CLNK: variants seen among roughly 807,000 people sequenced by gnomAD.
CLNK encodes the protein cytokine-dependent hematopoietic cell linker.
CLNK carries 74 observed loss-of-function variants against 68.6 expected under a neutral mutation model. That is an observed-to-expected ratio of 1.08 (90% CI 0.89 to 1.31). The LOEUF (loss-of-function observed/expected upper bound fraction) is 1.31. Ranked by LOEUF, CLNK falls within the 50% of genes most tolerant of loss-of-function variation. CLNK has a pLI of 0.00. For synonymous variants in CLNK, 198 were observed against 172.2 expected, an observed-to-expected ratio of 1.15 and a Z score of -1.17; for missense variants, 553 against 515.3, an observed-to-expected ratio of 1.07 and a Z score of -0.71.
chr4:10,685,651 T>A (rs968076718), upstream of CLNK, among the ~76,000 whole-genome samples: 2 of 152,164 alleles, frequency 1.3e-5, no homozygotes, highest in African/African-American at 2.4e-5. Flanking sequence ...TATATTTTCT[T>A]GGGTAAATAA....
At chr4:10,673,676 G>A (rs1193389000) in intron 1 of CLNK, among the ~76,000 whole-genome samples, 1 of 151,786 alleles carries the variant, frequency 6.6e-6, no homozygotes, top group Non-Finnish European at 1.5e-5. Flanking sequence ...CAGGGGGTGG[G>A]GGGTCTGGGG....
At chr4:10,504,251 G>A (rs1448943417) in intron 17 of CLNK, among the ~76,000 whole-genome samples, 4 of 151,332 alleles carry the variant, frequency 2.6e-5, no homozygotes, top group South Asian at 4.2e-4. Flanking sequence ...CTCCTGAGTG[G>A]CTGGGACTAC....
intron 9 of CLNK, 104 bp from the exon 10 acceptor site, chr4:10,542,145 G>C: frequency 1.6e-6 from 2 of 1,216,544 alleles, no homozygotes; most frequent in Non-Finnish European, 2.4e-6. Flanking sequence ...ATTGTGATCA[G>C]ACTTATAAGA....
At chr4:10,688,523 C>G (rs141802869), upstream of CLNK, among the ~76,000 whole-genome samples, 275 of 152,208 alleles carry the variant, frequency 1.8e-3, 5 homozygotes, top group Admixed American at 2.2e-3. Flanking sequence ...GCAAGGCTGT[C>G]AAGTTTTGGA....
intron 2 of CLNK, among the ~76,000 whole-genome samples, chr4:10,627,384 C>G (rs1368999140): frequency 6.6e-6 from 1 of 152,190 alleles, no homozygotes; most frequent in African/African-American, 2.4e-5. Flanking sequence ...TCCCTCTGTT[C>G]TGGCATTTGG....
intron 2 of CLNK, among the ~76,000 whole-genome samples, chr4:10,603,458 G>GT (rs1270570398): frequency 4.6e-5 from 7 of 152,012 alleles, no homozygotes; most frequent in African/African-American, 9.7e-5. Context: ...ATCCTGCTGA[G>GT]TTTTTTTTGC....
At chr4:10,706,310 A>G in the CLNK span, among the ~76,000 whole-genome samples, 1 of 152,140 alleles carries the variant, frequency 6.6e-6, no homozygotes, top group African/African-American at 2.4e-5. Flanking sequence ...TGCTATTACT[A>G]TAAATTTAGG....
intron 2 of CLNK, among the ~76,000 whole-genome samples, chr4:10,602,430 C>A (rs568008926): frequency 6.6e-6 from 1 of 152,280 alleles, no homozygotes; most frequent in South Asian, 2.1e-4. Flanking sequence ...GGCTCTAAAT[C>A]TTGGGTTAAA....
chr4:10,560,415 T>C (rs924647202), intron 7 of CLNK, among the ~76,000 whole-genome samples: 1 of 152,144 alleles, frequency 6.6e-6, no homozygotes, highest in Non-Finnish European at 1.5e-5. Context: ...CCATTTCTTT[T>C]TTTCTTTCTT....
intron 1 of CLNK, among the ~76,000 whole-genome samples, chr4:10,681,243 T>C (rs1031595961): frequency 6.6e-6 from 1 of 152,198 alleles, no homozygotes; most frequent in African/African-American, 2.4e-5. Flanking sequence ...GATGGATACA[T>C]AGGTCAAAGT....
At chr4:10,540,752 C>T in intron 10 of CLNK, 148 bp from the exon 11 acceptor site, 9 of 621,332 alleles carry the variant, frequency 1.4e-5, no homozygotes, top group Non-Finnish European at 2.6e-5. Context: ...GCAGACCGAT[C>T]TGGTCTGGCA....
intron 17 of CLNK, among the ~76,000 whole-genome samples, chr4:10,506,046 G>C (rs866390444): frequency 6.6e-6 from 1 of 152,068 alleles, no homozygotes; most frequent in Non-Finnish European, 1.5e-5. Flanking sequence ...GTTAGCTGGG[G>C]ATAGGTTTTG....
At chr4:10,684,775 G>C (rs1219757154), upstream of CLNK, 1 of 152,132 alleles carries the variant, frequency 6.6e-6, no homozygotes, top group South Asian at 2.1e-4. Context: ...TAAGGCGGTG[G>C]GTTGAATTCT....
the CLNK span, among the ~76,000 whole-genome samples, chr4:10,709,327 G>A: frequency 6.6e-6 from 1 of 152,188 alleles, no homozygotes. Context: ...ACGTGTCTGG[G>A]CACTGTACTC....
At chr4:10,506,957 G>A (rs1717323277) in intron 17 of CLNK, among the ~76,000 whole-genome samples, 1 of 151,442 alleles carries the variant, frequency 6.6e-6, no homozygotes, top group Non-Finnish European at 1.5e-5. Flanking sequence ...CTGCCACCAT[G>A]CCCGGCCAAT....
At chr4:10,717,441 C>T in the CLNK span, among the ~76,000 whole-genome samples, 1 of 152,124 alleles carries the variant, frequency 6.6e-6, no homozygotes, top group Admixed American at 6.5e-5. Flanking sequence ...ATTAAAAATA[C>T]AAAAATCAGC....
chr4:10,615,983 G>A (rs1200316330), intron 2 of CLNK, among the ~76,000 whole-genome samples: 6 of 152,156 alleles, frequency 3.9e-5, no homozygotes, highest in Non-Finnish European at 5.9e-5. Flanking sequence ...CTGTATTAAA[G>A]TTTCAGGAAT....
At chr4:10,732,339 C>T in the CLNK span, among the ~76,000 whole-genome samples, 2 of 152,176 alleles carry the variant, frequency 1.3e-5, no homozygotes, top group Admixed American at 6.5e-5. Context: ...ACAAAGCTAG[C>T]AGCCCCTGCA....
At chr4:10,680,063 C>A (rs534609949) in intron 1 of CLNK, among the ~76,000 whole-genome samples, 1 of 152,168 alleles carries the variant, frequency 6.6e-6, no homozygotes, top group African/African-American at 2.4e-5. Flanking sequence ...AAGACACATG[C>A]ACACGTATGT....
Sources: allele counts gnomAD v4.1 joint callset (sites outside exome capture counted in the v4.1 genomes callset), GRCh38; gene constraint gnomAD v4.1.1; transcripts MANE v1.5; gene names NCBI Gene and HGNC (gene_info 2026-07-23, HGNC 2026-07-21).